Variants in TTC7A observed in about 807,000 individuals in gnomAD.
The protein encoded by TTC7A is tetratricopeptide repeat protein 7A.
TTC7A carries 110 observed loss-of-function variants against 103.7 expected under a neutral mutation model. That is an observed-to-expected ratio of 1.06 (90% CI 0.91 to 1.24). The LOEUF (loss-of-function observed/expected upper bound fraction) is 1.24, where lower values mean the gene tolerates loss of function less well. Ranked by LOEUF, TTC7A falls within the 50% of genes most tolerant of loss-of-function variation. The pLI, the probability that TTC7A is intolerant of heterozygous loss-of-function variation, is 0.00. For synonymous variants in TTC7A, 521 were observed against 467.9 expected (o/e 1.11, Z -1.47); for missense variants, 1,340 against 1,116.3 (o/e 1.20, Z -2.86).
chr2:47,052,686 AG>A (rs1303395907), intron 18 of TTC7A, among the ~76,000 whole-genome samples: 2 of 152,214 alleles, frequency 1.3e-5, no homozygotes, highest in East Asian at 3.8e-4. Flanking sequence ...AAAGATGACA[AG>A]TGCCTGAATG....
intron 8 of TTC7A, 74 bp downstream of exon 8, chr2:46,995,273 A>G (rs1019263857): frequency 2.7e-6 from 4 of 1,496,148 alleles, no homozygotes; most frequent in Non-Finnish European, 3.7e-6. Context: ...GCCCAGGTAC[A>G]GGCCACCCGT....
chr2:47,057,559 C>G (rs528965416), intron 18 of TTC7A, among the ~76,000 whole-genome samples: 2 of 152,208 alleles, frequency 1.3e-5, no homozygotes, highest in South Asian at 4.1e-4. Flanking sequence ...TTGTAAACAG[C>G]TTAATCAGCT....
intron 3 of TTC7A, among the ~76,000 whole-genome samples, chr2:46,967,602 G>A (rs992315587): frequency 1.3e-5 from 2 of 152,116 alleles, no homozygotes; most frequent in South Asian, 4.1e-4. Flanking sequence ...CCTTCTGAAG[G>A]CTGAATAATA....
rs62140550 is a variant in TTC7A at position 46,916,850 on chromosome 2, G to A, written c.-13+273G>A. ...GGGTTTCACCGTGTTGGCCAGGCTG[G>A]TCTCTAACTGCTGACCTCTTGATCC... On this transcript the variant is annotated intron_variant, in intron 1 of 20. Coordinates refer to the TTC7A transcript ENST00000409245. Among the ~76,000 whole-genome samples the A allele has an allele frequency of 0.13, 19,033 of 151,752 alleles. 1,721 individuals are homozygous for A. The highest frequency in any genetic ancestry group is 0.25 in the African/African-American group (10,514 of 41,306).
chr2:46,993,405 C>A (rs201806129), intron 5 of TTC7A, 45 bp from the exon 6 acceptor site: 2 of 1,592,606 alleles, frequency 1.3e-6, no homozygotes, highest in East Asian at 4.5e-5. Flanking sequence ...TCCTTCTTTG[C>A]GAGCTAGGCT....
chr2:47,017,657 G>A (rs901876476), intron 11 of TTC7A, among the ~76,000 whole-genome samples: 4 of 152,182 alleles, frequency 2.6e-5, no homozygotes, highest in Admixed American at 6.5e-5. Context: ...TGGAAAGCTC[G>A]ACCAGCTCAG....
chr2:47,007,111 G>A lies in TTC7A; in HGVS notation c.1287+387G>A, dbSNP rs187425106. On this transcript the variant is annotated intron_variant, in intron 10 of 19. Transcript: ENST00000319190. The surrounding 1 kb of genome is among the most constrained non-coding windows in gnomAD (Gnocchi z 4.9). ...ATCCTGTCCACTGAGCATAGCATCA[G>A]GAAATGGCCTGCTTGTGGACTGGAG... 1.3e-5 allele frequency among the ~76,000 whole-genome samples: 2 copies of A among 152,294 alleles called. No individual in the cohort carries two copies. The highest frequency in any genetic ancestry group is 1.3e-4 in the Admixed American group (2 of 15,296).
chr2:46,975,186 C>G (rs1281749770), intron 4 of TTC7A, 83 bp downstream of exon 4: 7 of 1,557,180 alleles, frequency 4.5e-6, no homozygotes, highest in Non-Finnish European at 6.1e-6. Context: ...CATAGGTCAC[C>G]TGTGTGCTAA....
intron 3 of TTC7A, among the ~76,000 whole-genome samples, chr2:46,972,552 T>C (rs1460236070): frequency 1.3e-5 from 2 of 152,216 alleles, no homozygotes; most frequent in Non-Finnish European, 2.9e-5. Context: ...ATTCTAAGAC[T>C]GGTTTTTATT....
chr2:47,031,405 A>G (rs983467263), intron 15 of TTC7A, among the ~76,000 whole-genome samples: 6 of 152,198 alleles, frequency 3.9e-5, no homozygotes, highest in Non-Finnish European at 8.8e-5. Context: ...CCTCTCTGGC[A>G]GGGTCTGACC....
intron 18 of TTC7A, among the ~76,000 whole-genome samples, chr2:47,055,355 T>G (rs773980560): frequency 2.0e-5 from 3 of 152,212 alleles, no homozygotes; most frequent in Non-Finnish European, 2.9e-5. Context: ...TCTCAACTCT[T>G]GCCCTCCTCT....
At chr2:46,931,692 T>TAAATAAATAAATA (rs370894593) in intron 2 of TTC7A, among the ~76,000 whole-genome samples, 9 of 148,548 alleles carry the variant, frequency 6.1e-5, no homozygotes, top group African/African-American at 1.8e-4. Flanking sequence ...AAACAGACAA[T>TAAATAAATAAATA]AATAAATAAA....
chr2:47,048,258 G>GT (rs1410931838), intron 16 of TTC7A, among the ~76,000 whole-genome samples: 1 of 152,212 alleles, frequency 6.6e-6, no homozygotes, highest in Non-Finnish European at 1.5e-5. Context: ...CATCTGGGCT[G>GT]TAAGGTTCTT....
At chr2:46,957,050 G>A (rs766363671) in intron 3 of TTC7A, 43 bp downstream of exon 3, 9 of 1,610,692 alleles carry the variant, frequency 5.6e-6, no homozygotes, top group Non-Finnish European at 7.6e-6. Context: ...ACTGTGTGCA[G>A]CTCGTTGCAC....
At chr2:46,974,412 C>T (rs1245992665) in intron 3 of TTC7A, among the ~76,000 whole-genome samples, 1 of 152,190 alleles carries the variant, frequency 6.6e-6, no homozygotes, top group Non-Finnish European at 1.5e-5. Flanking sequence ...TCAAGATACT[C>T]TCCAGTTGGG....
rs182239775 is a variant in TTC7A at position 46,917,851 on chromosome 2, C to G, written c.82+574C>G. Among the ~76,000 whole-genome samples, 404 of 152,320 alleles carry G rather than the reference C, an allele frequency of 2.7e-3. 1 individual carries two copies. The highest frequency in any genetic ancestry group is 4.9e-3 in the Admixed American group (75 of 15,300). On this transcript the variant is annotated intron_variant, in intron 2 of 20. Transcript: ENST00000409245. Reference sequence around the variant, plus strand: ...TAGAAACACTTTCTTCTCTTGTTTTCTGACACCACACACTCTGGGTCCTTC... The same window carrying G: ...TAGAAACACTTTCTTCTCTTGTTTTGTGACACCACACACTCTGGGTCCTTC...
intron 10 of TTC7A, among the ~76,000 whole-genome samples, chr2:47,009,454 A>G (rs1041010015): frequency 2.6e-5 from 4 of 152,174 alleles, no homozygotes; most frequent in Non-Finnish European, 5.9e-5. Flanking sequence ...ACCCTCGGCA[A>G]AGACACCCGC....
intron 10 of TTC7A, among the ~76,000 whole-genome samples, chr2:47,010,755 G>A (rs372350964): frequency 6.6e-6 from 1 of 152,112 alleles, no homozygotes; most frequent in Non-Finnish European, 1.5e-5. Flanking sequence ...GCTGGAGTGC[G>A]GTGGCACAAT....
rs1212866322 is a variant in TTC7A at position 46,974,898 on chromosome 2, C to A, written c.518-75C>A. The A allele has an allele frequency of 3.2e-6, 5 of 1,573,382 alleles. No homozygotes were observed. The Admixed American group carries it at 6.9e-5, about 22-fold the overall frequency. ...TGTCTGCCCCCTCGGATGAGCCCAC[C>A]TTCGGCCCATGGGGAGGGCCTGGAG... On this transcript the variant is annotated intron_variant, in intron 3 of 19. Coordinates refer to ENST00000319190, the MANE Select transcript of TTC7A (RefSeq NM_020458.4).
Sources: gnomAD v4.1 joint callset for allele counts (sites outside exome capture counted in the v4.1 genomes callset) on GRCh38, gnomAD v4.1.1 for gene constraint, Gnocchi (gnomAD v3.1) non-coding constraint, MANE v1.5 for transcripts, NCBI Gene and HGNC (gene_info 2026-07-23, HGNC 2026-07-21) for gene names.